Variants in TRMT11 observed in about 807,000 individuals in gnomAD.
TRMT11 encodes the protein tRNA (guanine(10)-N(2))-methyltransferase TRMT11.
A neutral mutation model predicts 62.8 loss-of-function variants in TRMT11; 53 were observed. The ratio of observed to expected loss-of-function variants is 0.84; its 90% CI spans 0.68 to 1.06. The LOEUF is 1.06. Ranked by LOEUF, TRMT11 falls within the 50% of genes least tolerant of loss-of-function variation. TRMT11 has a pLI of 0.00. For missense variants in TRMT11, 556 were observed against 553.4 expected (o/e 1.00, Z -0.05); for synonymous variants, 188 against 190.3 (o/e 0.99, Z 0.10).
intron 17 of TRMT11, among the ~76,000 whole-genome samples, chr6:126,080,194 A>G (rs934728348): frequency 1.3e-5 from 2 of 152,050 alleles, no homozygotes; most frequent in Non-Finnish European, 2.9e-5. Flanking sequence ...CTCAAACTCC[A>G]GGGCTCAAGT....
intron 21 of TRMT11, among the ~76,000 whole-genome samples, chr6:126,141,756 CCTT>C (rs1777919472): frequency 6.6e-6 from 1 of 152,076 alleles, no homozygotes; most frequent in Non-Finnish European, 1.5e-5. Flanking sequence ...TTATCTTTGA[CCTT>C]CTTTGCAAGA....
intron 21 of TRMT11, among the ~76,000 whole-genome samples, chr6:126,161,917 A>G (rs1407354435): frequency 6.6e-6 from 1 of 151,934 alleles, no homozygotes; most frequent in African/African-American, 2.4e-5. Flanking sequence ...TCCTTCACCC[A>G]CTTTTTGATG....
intron 17 of TRMT11, among the ~76,000 whole-genome samples, chr6:126,061,788 T>C (rs1776542959): frequency 6.6e-6 from 1 of 152,188 alleles, no homozygotes; most frequent in Non-Finnish European, 1.5e-5. Flanking sequence ...GCATGCTAGC[T>C]GAAAGGACCA....
At chr6:126,229,666 A>G in the TRMT11 span, among the ~76,000 whole-genome samples, 6 of 152,186 alleles carry the variant, frequency 3.9e-5, no homozygotes, top group African/African-American at 4.8e-5. Context: ...GCTTATTTCT[A>G]TAAAATTTAT....
the TRMT11 span, among the ~76,000 whole-genome samples, chr6:126,254,261 G>A: frequency 2.0e-5 from 3 of 152,268 alleles, no homozygotes; most frequent in South Asian, 4.1e-4. Context: ...CTCTCAGATA[G>A]GTATGGTTAA....
downstream of TRMT11, among the ~76,000 whole-genome samples, chr6:126,205,930 C>CACACAT (rs1778787021): frequency 6.7e-6 from 1 of 150,026 alleles, no homozygotes; most frequent in Non-Finnish European, 1.5e-5. Flanking sequence ...CACACACACA[C>CACACAT]ACACACACAT....
chr6:126,118,286 GGC>G (rs1331838101), intron 21 of TRMT11, among the ~76,000 whole-genome samples: 4 of 152,076 alleles, frequency 2.6e-5, no homozygotes, highest in African/African-American at 9.7e-5. Context: ...CACTCTAAGT[GGC>G]TGTCAGTCCT....
chr6:126,207,373 G>A (rs966267116), downstream of TRMT11, among the ~76,000 whole-genome samples: 1 of 152,180 alleles, frequency 6.6e-6, no homozygotes, highest in African/African-American at 2.4e-5. Context: ...AAGACTACTG[G>A]AAGACCAACA....
intron 16 of TRMT11, among the ~76,000 whole-genome samples, chr6:126,045,187 C>CA (rs58899844): frequency 0.1 from 12,606 of 126,344 alleles, 1,273 homozygotes; most frequent in African/African-American, 0.27. Flanking sequence ...GACTCCATCT[C>CA]AAAAAAAAAA....
the TRMT11 span, among the ~76,000 whole-genome samples, chr6:126,244,134 C>G: frequency 6.6e-6 from 1 of 151,712 alleles, no homozygotes; most frequent in Non-Finnish European, 1.5e-5. Flanking sequence ...TTCTAAGCAT[C>G]TCGTCTCTCT....
intron 17 of TRMT11, among the ~76,000 whole-genome samples, chr6:126,102,824 T>G (rs927665908): frequency 2.6e-5 from 4 of 152,206 alleles, no homozygotes; most frequent in African/African-American, 9.7e-5. Context: ...GCTAAGCACT[T>G]TAATTCTGTT....
chr6:125,993,984 T>C (rs1791042081), intron 2 of TRMT11, among the ~76,000 whole-genome samples, 162 bp downstream of exon 2: 1 of 152,200 alleles, frequency 6.6e-6, no homozygotes, highest in African/African-American at 2.4e-5. Context: ...TTTGTGGTTT[T>C]GTTAAGTAAT....
In TRMT11 at chr6:126,201,120, A is replaced by G. The variant is rs187486920; in HGVS notation, n.372-908A>G. 5.9e-5 allele frequency among the ~76,000 whole-genome samples: 9 copies of G among 152,330 alleles called. No individual in the cohort carries two copies. The East Asian group carries it at 1.7e-3, about 29-fold the overall frequency. ...AATCTTGGCATCTTTAACAAATGAT[A>G]TGTTTATTGATTCAGTCTCCTTGGT... On this transcript the variant is annotated intron_variant and non_coding_transcript_variant, in intron 3 of 3. Coordinates refer to the TRMT11 transcript ENST00000444229.
At chr6:126,189,764 G>A (rs1377276380) in intron 1 of TRMT11, among the ~76,000 whole-genome samples, 1 of 152,120 alleles carries the variant, frequency 6.6e-6, no homozygotes, top group Non-Finnish European at 1.5e-5. Context: ...TACAAGATAA[G>A]TGTAAATATA....
chr6:126,213,757 T>A, the TRMT11 span, among the ~76,000 whole-genome samples: 1 of 152,100 alleles, frequency 6.6e-6, no homozygotes, highest in East Asian at 1.9e-4. Context: ...CCTCTCTGAC[T>A]GCTCTAGCTA....
chr6:126,217,421 A>C, the TRMT11 span, among the ~76,000 whole-genome samples: 1 of 152,180 alleles, frequency 6.6e-6, no homozygotes, highest in African/African-American at 2.4e-5. Flanking sequence ...GTTATGATCC[A>C]AGTTTTTGAT....
At chr6:126,153,351 A>G (rs1420298219) in intron 21 of TRMT11, among the ~76,000 whole-genome samples, 2 of 152,256 alleles carry the variant, frequency 1.3e-5, no homozygotes, top group African/African-American at 2.4e-5. Flanking sequence ...GGTCTAAACA[A>G]TGGTGAAAAC....
At chr6:126,122,291 C>T (rs62426453) in intron 21 of TRMT11, among the ~76,000 whole-genome samples, 17,261 of 152,006 alleles carry the variant, frequency 0.11, 1,138 homozygotes, top group Non-Finnish European at 0.15. Flanking sequence ...GAAAATAATA[C>T]CTCCAAATGA....
chr6:126,207,481 T>C (rs1778801518), downstream of TRMT11, among the ~76,000 whole-genome samples: 1 of 152,248 alleles, frequency 6.6e-6, no homozygotes. Context: ...TAATTCTCTT[T>C]GGCCTTTATT....
Sources: allele counts gnomAD v4.1 joint callset (sites outside exome capture counted in the v4.1 genomes callset), GRCh38; gene constraint gnomAD v4.1.1; transcripts MANE v1.5; gene names NCBI Gene and HGNC (gene_info 2026-07-23, HGNC 2026-07-21).